The following SGCZ variants were observed in gnomAD, a reference collection of about 807,000 sequenced individuals.
The protein encoded by SGCZ is zeta-sarcoglycan.
Under a neutral mutation model 41.3 loss-of-function variants are expected in SGCZ, and 40 were observed. The observed-to-expected ratio is 0.97, with a 90% CI of 0.75 to 1.26. SGCZ has a LOEUF of 1.26. Ranked by LOEUF, SGCZ falls within the 50% of genes most tolerant of loss-of-function variation. The pLI is 0.00. For missense variants in SGCZ, 552 were observed against 369.8 expected, an observed-to-expected ratio of 1.49 and a Z score of -4.04; for synonymous variants, 206 against 137.5, an observed-to-expected ratio of 1.50 and a Z score of -3.49.
intron 1 of SGCZ, among the ~76,000 whole-genome samples, chr8:14,675,808 A>T (rs1808259364): frequency 6.6e-6 from 1 of 152,212 alleles, no homozygotes; most frequent in African/African-American, 2.4e-5. Flanking sequence ...AAGCAAGATG[A>T]GCTCATTGCA....
intron 3 of SGCZ, among the ~76,000 whole-genome samples, chr8:14,253,421 G>C (rs550694906): frequency 1.8e-4 from 27 of 152,182 alleles, no homozygotes; most frequent in Admixed American, 5.2e-4. Flanking sequence ...TCCAGAAAAA[G>C]AGATTTCAAT....
At chr8:14,417,756 G>A (rs146826052) in intron 2 of SGCZ, among the ~76,000 whole-genome samples, 1 of 151,394 alleles carries the variant, frequency 6.6e-6, no homozygotes, top group African/African-American at 2.4e-5. Context: ...ACTATGTAAG[G>A]TGATAGATAT....
At chr8:14,197,804 G>A (rs1585222505) in intron 4 of SGCZ, among the ~76,000 whole-genome samples, 2 of 152,054 alleles carry the variant, frequency 1.3e-5, no homozygotes, top group East Asian at 1.9e-4. Context: ...AGAGGTCTTA[G>A]CCAGAATAAT....
intron 1 of SGCZ, among the ~76,000 whole-genome samples, chr8:15,020,870 G>C (rs1371353225): frequency 2.0e-5 from 3 of 152,140 alleles, no homozygotes; most frequent in East Asian, 1.9e-4. Flanking sequence ...AAGATGTCAG[G>C]ATTTACATCA....
intron 1 of SGCZ, among the ~76,000 whole-genome samples, chr8:15,215,180 T>G (rs1416596808): frequency 6.6e-6 from 1 of 152,208 alleles, no homozygotes; most frequent in Non-Finnish European, 1.5e-5. Flanking sequence ...TGGCATCCTG[T>G]GGCATTAAAC....
chr8:14,361,438 A>C (rs766584943), intron 2 of SGCZ, among the ~76,000 whole-genome samples: 5 of 152,172 alleles, frequency 3.3e-5, no homozygotes, highest in Non-Finnish European at 5.9e-5. Flanking sequence ...TTGCTCTTCA[A>C]TCACTGATAT....
chr8:15,186,155 G>GGTA (rs1455933762), intron 1 of SGCZ, among the ~76,000 whole-genome samples: 1 of 150,486 alleles, frequency 6.6e-6, no homozygotes, highest in Non-Finnish European at 1.5e-5. Flanking sequence ...CCAGCTACTC[G>GGTA]GGAGGCTGAG....
In SGCZ at chr8:14,274,170, T is replaced by C. The variant is rs1800153927; in HGVS notation, c.337-36491A>G. Among the ~76,000 whole-genome samples, 4 of 152,178 alleles carry C rather than the reference T, an allele frequency of 2.6e-5. No individual in the cohort carries two copies. In the South Asian group the frequency reaches 8.3e-4, roughly 32 times the overall value. ...TACACTATTTCTTATGCTATTGTTGTTTTTGCTTTTTCAAACGGTAATGAA... is the reference window on the plus strand; with the variant it reads ...TACACTATTTCTTATGCTATTGTTGCTTTTGCTTTTTCAAACGGTAATGAA... On this transcript the variant is annotated intron_variant, in intron 3 of 7. Coordinates refer to ENST00000382080, the MANE Select transcript of SGCZ (RefSeq NM_139167.4).
rs577812540 is a variant in SGCZ at position 14,560,688 on chromosome 8, C to G, written c.40-5762G>C. Among the ~76,000 whole-genome samples the G allele has an allele frequency of 2.6e-5, 4 of 152,058 alleles. No homozygotes were observed. The South Asian group carries it at 8.3e-4, about 32-fold the overall frequency. On this transcript the variant is annotated intron_variant, in intron 1 of 7. Transcript: ENST00000382080. Reference sequence around the variant, plus strand: ...AATTACTGTGCATTAGAAATGAAAACTTACTAAATCTATGAAATAAAACAT... The same window carrying G: ...AATTACTGTGCATTAGAAATGAAAAGTTACTAAATCTATGAAATAAAACAT...
chr8:15,093,064 G>A (rs1806209441), intron 1 of SGCZ, among the ~76,000 whole-genome samples: 1 of 152,138 alleles, frequency 6.6e-6, no homozygotes, highest in Non-Finnish European at 1.5e-5. Context: ...CATTATCATA[G>A]AAACACAAAG....
chr8:14,850,640 T>G (rs1343291030), intron 1 of SGCZ, among the ~76,000 whole-genome samples: 1 of 152,168 alleles, frequency 6.6e-6, no homozygotes, highest in East Asian at 1.9e-4. Context: ...GGCTAACATG[T>G]ATGACATGGT....
At chr8:14,454,258 G>A (rs528761529) in intron 2 of SGCZ, among the ~76,000 whole-genome samples, 189 of 152,226 alleles carry the variant, frequency 1.2e-3, no homozygotes, top group Non-Finnish European at 1.8e-3. Context: ...TTTGGGTAGT[G>A]GAGCATTTAA....
chr8:14,287,285 G>C (rs1370567516), intron 3 of SGCZ, among the ~76,000 whole-genome samples: 1 of 151,632 alleles, frequency 6.6e-6, no homozygotes. Context: ...AAGGCGAAAA[G>C]GTGGGTCATT....
chr8:14,936,836 A>T (rs924589795), intron 1 of SGCZ, among the ~76,000 whole-genome samples: 23 of 151,902 alleles, frequency 1.5e-4, no homozygotes, highest in African/African-American at 5.3e-4. Context: ...GATAAAAATA[A>T]AATCTCAAAA....
chr8:14,239,294 T>C (rs952006962), intron 3 of SGCZ, among the ~76,000 whole-genome samples: 2 of 151,292 alleles, frequency 1.3e-5, no homozygotes, highest in African/African-American at 4.9e-5. Context: ...CAAATTCTAT[T>C]CAATCTTGGC....
chr8:14,563,872 T>C (rs531183008), intron 1 of SGCZ, among the ~76,000 whole-genome samples: 1 of 152,258 alleles, frequency 6.6e-6, no homozygotes, highest in East Asian at 1.9e-4. Context: ...AAAAATATAA[T>C]TGATATAATT....
chr8:14,903,356 C>G (rs10109702), intron 1 of SGCZ, among the ~76,000 whole-genome samples: 482 of 152,126 alleles, frequency 3.2e-3, no homozygotes, highest in African/African-American at 0.011. Flanking sequence ...TAACTGCTGA[C>G]AGATATCAGT....
At chr8:14,414,592 T>C (rs112275223) in intron 2 of SGCZ, among the ~76,000 whole-genome samples, 14 of 152,094 alleles carry the variant, frequency 9.2e-5, no homozygotes, top group African/African-American at 3.1e-4. Flanking sequence ...ATAACTTAGT[T>C]TAAGGATAGC....
intron 4 of SGCZ, among the ~76,000 whole-genome samples, chr8:14,189,840 T>A (rs1203193804): frequency 6.6e-6 from 1 of 152,190 alleles, no homozygotes; most frequent in Non-Finnish European, 1.5e-5. Flanking sequence ...TTTGTATCTG[T>A]CTTGCTCATC....
Sources: allele counts gnomAD v4.1 joint callset (sites outside exome capture counted in the v4.1 genomes callset), GRCh38; gene constraint gnomAD v4.1.1; transcripts MANE v1.5; gene names NCBI Gene and HGNC (gene_info 2026-07-23, HGNC 2026-07-21).